The following PRICKLE2 variants were observed in gnomAD, a reference collection of about 807,000 sequenced individuals.
PRICKLE2 encodes prickle-like protein 2.
A neutral mutation model predicts 81.4 loss-of-function variants in PRICKLE2; 21 were observed. That is an observed-to-expected ratio of 0.26 (90% confidence interval 0.18 to 0.37). The LOEUF is 0.37. PRICKLE2 is among the 10% of genes least tolerant of loss of function. The probability of loss-of-function intolerance (pLI) is 1.00; values close to 1 mark genes in which losing one functional copy is unlikely to be tolerated. For missense variants in PRICKLE2, 940 were observed against 1,109.0 expected (o/e 0.85, Z 2.16); for synonymous variants, 456 against 421.5 (o/e 1.08, Z -1.00).
intron 1 of PRICKLE2, among the ~76,000 whole-genome samples, chr3:64,217,624 C>T (rs1312811730): frequency 6.6e-6 from 1 of 152,170 alleles, no homozygotes; most frequent in African/African-American, 2.4e-5. Context: ...CAGGGGGTAT[C>T]CAAGGGTTGG....
chr3:64,111,624 A>G (rs1457305542), intron 7 of PRICKLE2, among the ~76,000 whole-genome samples: 1 of 152,246 alleles, frequency 6.6e-6, no homozygotes, highest in Non-Finnish European at 1.5e-5. Flanking sequence ...TACATGCAAC[A>G]ACATGGATGA....
chr3:64,133,353 C>G (rs1456469939), intron 7 of PRICKLE2, among the ~76,000 whole-genome samples: 3 of 152,118 alleles, frequency 2.0e-5, no homozygotes, highest in Non-Finnish European at 4.4e-5. Context: ...TCGAATTTTT[C>G]TCCTGGAAGA....
At chr3:64,239,973 A>T (rs1185312609) in intron 2 of PRICKLE2, among the ~76,000 whole-genome samples, 1 of 151,104 alleles carries the variant, frequency 6.6e-6, no homozygotes, top group Non-Finnish European at 1.5e-5. Context: ...AAAAAAAAAA[A>T]AAAAAAAATT....
At chr3:64,126,491 C>T (rs57859861) in intron 7 of PRICKLE2, among the ~76,000 whole-genome samples, 7,072 of 152,284 alleles carry the variant, frequency 0.046, 342 homozygotes, top group East Asian at 0.27. Flanking sequence ...AAATGGTCAT[C>T]GAGACTGACC....
chr3:64,226,028 G>A (rs1193244163), upstream of PRICKLE2, among the ~76,000 whole-genome samples: 1 of 152,050 alleles, frequency 6.6e-6, no homozygotes, highest in African/African-American at 2.4e-5. Context: ...CTTGGGTGGT[G>A]AGTCAGTCAG....
chr3:64,193,878 A>C (rs564622372), intron 2 of PRICKLE2, among the ~76,000 whole-genome samples: 1 of 152,334 alleles, frequency 6.6e-6, no homozygotes, highest in South Asian at 2.1e-4. Context: ...AGACTTCCCC[A>C]GCCATGTGGA....
intron 3 of PRICKLE2, 40 bp downstream of exon 3, chr3:64,162,976 C>T (rs772214822): frequency 2.5e-5 from 29 of 1,182,026 alleles, no homozygotes; most frequent in Non-Finnish European, 3.6e-5. Context: ...TCATAGAAGG[C>T]ACTAAGAAAA....
At chr3:64,161,287 C>A (rs558101657) in intron 3 of PRICKLE2, among the ~76,000 whole-genome samples, 58 of 152,252 alleles carry the variant, frequency 3.8e-4, no homozygotes, top group Middle Eastern at 6.8e-3. Context: ...CATGTATATA[C>A]CACACTTTGG....
chr3:64,214,512 T>A (rs2078841500), intron 1 of PRICKLE2, among the ~76,000 whole-genome samples: 1 of 152,178 alleles, frequency 6.6e-6, no homozygotes, highest in Non-Finnish European at 1.5e-5. Context: ...AAAAGTGAGA[T>A]GCTGATTTCC....
intron 7 of PRICKLE2, among the ~76,000 whole-genome samples, chr3:64,139,015 A>C (rs2077319282): frequency 6.6e-6 from 1 of 152,240 alleles, no homozygotes; most frequent in Non-Finnish European, 1.5e-5. Context: ...GGATTAAAAA[A>C]CATCTCAGAC....
At chr3:64,228,551 A>G (rs1559593136), upstream of PRICKLE2, among the ~76,000 whole-genome samples, 1 of 151,102 alleles carries the variant, frequency 6.6e-6, no homozygotes, top group Non-Finnish European at 1.5e-5. Flanking sequence ...TTTTTTTACA[A>G]ATTATACTGG....
chr3:64,130,096 C>T (rs2077175251), intron 7 of PRICKLE2, among the ~76,000 whole-genome samples: 1 of 152,202 alleles, frequency 6.6e-6, no homozygotes, highest in African/African-American at 2.4e-5. Context: ...TGACCTTAAA[C>T]TCTGTGATCC....
At chr3:64,124,002 C>T (rs775446490) in intron 7 of PRICKLE2, among the ~76,000 whole-genome samples, 3 of 152,188 alleles carry the variant, frequency 2.0e-5, no homozygotes, top group Non-Finnish European at 4.4e-5. Context: ...AAAGTCAAGA[C>T]AGGCCAAAAG....
chr3:64,142,544 C>T (rs757606069), intron 7 of PRICKLE2, among the ~76,000 whole-genome samples: 4 of 152,256 alleles, frequency 2.6e-5, no homozygotes, highest in Admixed American at 6.5e-5. Context: ...CTTCTGGCCT[C>T]AAGTGATCCA....
chr3:64,149,969 CTTTT>C (rs34841544), intron 6 of PRICKLE2, among the ~76,000 whole-genome samples: 1 of 109,732 alleles, frequency 9.1e-6, no homozygotes, highest in African/African-American at 3.6e-5. Context: ...TCAACTCCAT[CTTTT>C]TTTTTTTTTT....
chr3:64,114,867 A>G (rs1559516809), intron 7 of PRICKLE2, among the ~76,000 whole-genome samples: 1 of 151,954 alleles, frequency 6.6e-6, no homozygotes, highest in Admixed American at 6.6e-5. Context: ...AGATACTTCA[A>G]AAGAAGATTA....
chr3:64,165,988 G>GCAAAC (rs2077824695), intron 2 of PRICKLE2, among the ~76,000 whole-genome samples: 1 of 150,742 alleles, frequency 6.6e-6, no homozygotes, highest in Non-Finnish European at 1.5e-5. Context: ...GTGTGTGTGT[G>GCAAAC]TGTGTGTGTG....
intron 2 of PRICKLE2, among the ~76,000 whole-genome samples, chr3:64,176,478 T>C (rs1448917196): frequency 7.6e-6 from 1 of 131,790 alleles, no homozygotes; most frequent in Non-Finnish European, 1.8e-5. Context: ...CCAGTTTGAA[T>C]AAAGTTTAGA....
At chr3:64,190,341 G>T (rs1317276765) in intron 2 of PRICKLE2, 1 of 152,004 alleles carries the variant, frequency 6.6e-6, no homozygotes, top group African/African-American at 2.4e-5. Flanking sequence ...GAAAATATCT[G>T]ACACATGTAA....
Sources: allele counts gnomAD v4.1 joint callset (sites outside exome capture counted in the v4.1 genomes callset), GRCh38; gene constraint gnomAD v4.1.1; transcripts MANE v1.5; gene names NCBI Gene and HGNC (gene_info 2026-07-23, HGNC 2026-07-21).